Variants in PRKG1 observed in about 807,000 individuals in gnomAD.
PRKG1 encodes the protein protein kinase cGMP-dependent 1, also known as cGMP-dependent protein kinase 1.
Under a neutral mutation model 88.1 loss-of-function variants are expected in PRKG1, and 35 were observed. That is an observed-to-expected ratio of 0.40 (90% CI 0.30 to 0.53). PRKG1 has a LOEUF of 0.53. Among genes scored for constraint, PRKG1 ranks in the 20% least tolerant of loss-of-function variants. The pLI is 0.59. For missense variants in PRKG1, 540 were observed against 839.8 expected (o/e 0.64, Z 4.41); for synonymous variants, 303 against 292.5 (o/e 1.04, Z -0.37).
chr10:51,960,075 T>C (rs953956804), intron 5 of PRKG1, among the ~76,000 whole-genome samples: 1 of 151,844 alleles, frequency 6.6e-6, no homozygotes, highest in African/African-American at 2.4e-5. Flanking sequence ...CATCATCTAA[T>C]CAAGAAGTCA....
chr10:51,593,133 G>A (rs1838354604), intron 3 of PRKG1, among the ~76,000 whole-genome samples: 1 of 152,204 alleles, frequency 6.6e-6, no homozygotes, highest in African/African-American at 2.4e-5. Context: ...GAATGCCATA[G>A]TTCCATTTGG....
At chr10:51,764,864 T>A (rs1838116961) in intron 3 of PRKG1, among the ~76,000 whole-genome samples, 1 of 152,148 alleles carries the variant, frequency 6.6e-6, no homozygotes, top group African/African-American at 2.4e-5. Context: ...AGTGCTCTTA[T>A]CAAATAGGCA....
chr10:51,708,734 C>A (rs927420490), intron 3 of PRKG1, among the ~76,000 whole-genome samples: 1 of 152,084 alleles, frequency 6.6e-6, no homozygotes, highest in African/African-American at 2.4e-5. Flanking sequence ...ATAGTGAGAC[C>A]ATTTACTAGT....
intron 2 of PRKG1, among the ~76,000 whole-genome samples, chr10:51,325,588 C>T (rs184421138): frequency 6.6e-6 from 1 of 152,290 alleles, no homozygotes; most frequent in Admixed American, 6.5e-5. Flanking sequence ...TTTGTTGTTT[C>T]ATTTGCTATG....
At chr10:51,912,793 A>C (rs1365268546) in intron 5 of PRKG1, among the ~76,000 whole-genome samples, 3 of 151,620 alleles carry the variant, frequency 2.0e-5, no homozygotes, top group Non-Finnish European at 2.9e-5. Context: ...CCCCCTTCTG[A>C]AATTTCTAGC....
In PRKG1 at chr10:52,039,340, TTGAGCCAGGA is replaced by T. The variant is rs1288166913; in HGVS notation, c.763-15133_763-15124del. Among the ~76,000 whole-genome samples, 4 of 152,174 alleles carry T rather than the reference TTGAGCCAGGA, an allele frequency of 2.6e-5. No homozygotes were observed. In the East Asian group the frequency reaches 7.7e-4, roughly 29 times the overall value. On this transcript the variant is annotated intron_variant, in intron 5 of 17. Coordinates refer to ENST00000373980, the MANE Select transcript of PRKG1 (RefSeq NM_006258.4). ...GCAAGGTGCTCAGTGGGGGTGCTTT[TTGAGCCAGGA>T]TGAGCCAGGAAAAGGACTTTCACAA...
chr10:51,743,823 T>C (rs1309148657), intron 3 of PRKG1, among the ~76,000 whole-genome samples: 2 of 146,822 alleles, frequency 1.4e-5, no homozygotes, highest in Admixed American at 1.4e-4. Flanking sequence ...ATTATTCTTT[T>C]ACTGTTTAGC....
intron 3 of PRKG1, among the ~76,000 whole-genome samples, chr10:51,557,694 T>C (rs771607897): frequency 6.6e-6 from 1 of 152,030 alleles, no homozygotes; most frequent in Admixed American, 6.6e-5. Flanking sequence ...CACAGTAAAC[T>C]TTAGTTTTCA....
intron 5 of PRKG1, among the ~76,000 whole-genome samples, chr10:51,981,679 C>T (rs1844015059): frequency 6.6e-6 from 1 of 152,066 alleles, no homozygotes; most frequent in African/African-American, 2.4e-5. Context: ...GCTGAGTGGT[C>T]CCCTGTTAGT....
intron 1 of PRKG1, among the ~76,000 whole-genome samples, chr10:51,043,223 A>T (rs924798176): frequency 3.3e-5 from 5 of 152,126 alleles, no homozygotes; most frequent in African/African-American, 1.2e-4. Flanking sequence ...CTCCACTGAG[A>T]TCCATCAGCC....
rs567785012 is a variant in PRKG1, at chr10:52,150,994, G to T, written c.1002-10895G>T. Among the ~76,000 whole-genome samples the T allele has an allele frequency of 2.2e-5, 3 of 135,532 alleles. No individual in the cohort carries two copies. The South Asian group carries it at 8.2e-4, about 37-fold the overall frequency. The allele number at this position is 135,532 out of a possible 152,430, so 88.9% of individuals were successfully genotyped here. A position where few individuals can be genotyped will look rare whatever the true frequency, so the allele number is the denominator to read the frequency against. ...TGTTTTTAATAAATATGGCCTATTT[G>T]TTTTTAGACAATTTTGATAGGATTT... On this transcript the variant is annotated intron_variant, in intron 8 of 17. Transcript: ENST00000373980.
At chr10:52,014,364 A>G (rs1844979463) in intron 5 of PRKG1, among the ~76,000 whole-genome samples, 1 of 152,048 alleles carries the variant, frequency 6.6e-6, no homozygotes, top group African/African-American at 2.4e-5. Flanking sequence ...ACACTTTGAA[A>G]CCATCAGATC....
At chr10:51,997,711 T>C (rs1433815725) in intron 5 of PRKG1, among the ~76,000 whole-genome samples, 1 of 152,200 alleles carries the variant, frequency 6.6e-6, no homozygotes, top group Non-Finnish European at 1.5e-5. Context: ...ACAATTTTAG[T>C]AAATTCTAGT....
intron 4 of PRKG1, among the ~76,000 whole-genome samples, chr10:51,882,159 C>CT (rs1485147391): frequency 6.6e-6 from 1 of 152,176 alleles, no homozygotes; most frequent in African/African-American, 2.4e-5. Flanking sequence ...TAATTAATAA[C>CT]TTAGGAACAA....
At chr10:51,508,740 A>G (rs1396111976) in intron 3 of PRKG1, among the ~76,000 whole-genome samples, 1 of 152,112 alleles carries the variant, frequency 6.6e-6, no homozygotes, top group African/African-American at 2.4e-5. Flanking sequence ...TGTTAATTCA[A>G]TGTGATTGAA....
chr10:52,052,008 G>A (rs1373508834), intron 5 of PRKG1, among the ~76,000 whole-genome samples: 1 of 152,124 alleles, frequency 6.6e-6, no homozygotes, highest in Non-Finnish European at 1.5e-5. Context: ...AGCTACAACT[G>A]TAACTCTGCT....
At chr10:52,198,847 A>G (rs1185802259) in intron 9 of PRKG1, among the ~76,000 whole-genome samples, 1 of 150,424 alleles carries the variant, frequency 6.6e-6, no homozygotes, top group Non-Finnish European at 1.5e-5. Flanking sequence ...TGTGTGTGTA[A>G]GCTCACTCTG....
At chr10:51,599,296 AC>A (rs1838537676) in intron 3 of PRKG1, among the ~76,000 whole-genome samples, 1 of 152,134 alleles carries the variant, frequency 6.6e-6, no homozygotes, top group Admixed American at 6.6e-5. Flanking sequence ...CAGAGGCACT[AC>A]TAAACATCCC....
In PRKG1 at chr10:52,140,923, A is replaced by G. The variant is rs540306326; in HGVS notation, c.1001+7018A>G. Among the ~76,000 whole-genome samples the G allele has an allele frequency of 5.3e-5, 8 of 152,262 alleles. No homozygotes were observed. In the South Asian group the frequency reaches 1.7e-3, roughly 32 times the overall value. The stretch of plus-strand genomic sequence containing the variant: ...TCCACATGTCACATCGCCCGTTGTC[A>G]CATTGCTTAACTAATAGGATGATAC... On this transcript the variant is annotated intron_variant, in intron 8 of 17. Coordinates refer to ENST00000373980, the MANE Select transcript of PRKG1 (RefSeq NM_006258.4).
Sources: allele counts gnomAD v4.1 joint callset (sites outside exome capture counted in the v4.1 genomes callset), GRCh38; gene constraint gnomAD v4.1.1; transcripts MANE v1.5; gene names NCBI Gene and HGNC (gene_info 2026-07-23, HGNC 2026-07-21).